The following FRMD4A variants were observed in gnomAD, a reference collection of about 807,000 sequenced individuals.
FRMD4A encodes FERM domain containing 4A, also known as FERM domain-containing protein 4A.
FRMD4A carries 29 observed loss-of-function variants against 129.1 expected under a neutral mutation model. The observed-to-expected ratio is 0.22, with a 90% CI of 0.17 to 0.31. The LOEUF (loss-of-function observed/expected upper bound fraction) is 0.31, where lower values mean the gene tolerates loss of function less well. Among genes scored for constraint, FRMD4A ranks in the 10% least tolerant of loss-of-function variants. FRMD4A has a pLI of 1.00. For missense variants in FRMD4A, 1,272 were observed against 1,375.8 expected (o/e 0.92, Z 1.19); for synonymous variants, 634 against 571.6 (o/e 1.11, Z -1.56).
At chr10:13,909,367 T>C (rs1278818566) in intron 2 of FRMD4A, among the ~76,000 whole-genome samples, 2 of 152,224 alleles carry the variant, frequency 1.3e-5, no homozygotes, top group African/African-American at 4.8e-5. Context: ...ATTTGCTGTC[T>C]GAAGTAATTG....
intron 12 of FRMD4A, among the ~76,000 whole-genome samples, chr10:13,721,760 G>A (rs2089432273): frequency 6.6e-6 from 1 of 152,226 alleles, no homozygotes; most frequent in African/African-American, 2.4e-5. Context: ...CTCTCTCATA[G>A]ACACGGCTAG....
intron 2 of FRMD4A, among the ~76,000 whole-genome samples, chr10:14,258,055 G>A (rs563713359): frequency 3.9e-5 from 6 of 151,916 alleles, no homozygotes; most frequent in Admixed American, 3.3e-4. Flanking sequence ...AACTCAAAAC[G>A]TGTCATATTC....
intron 18 of FRMD4A, among the ~76,000 whole-genome samples, chr10:13,665,508 G>A (rs947376806): frequency 6.6e-6 from 1 of 152,164 alleles, no homozygotes; most frequent in African/African-American, 2.4e-5. Context: ...TGCTTTGTGG[G>A]TGGATTTTGG....
At chr10:13,995,676 A>T (rs1181833357) in intron 2 of FRMD4A, among the ~76,000 whole-genome samples, 1 of 152,248 alleles carries the variant, frequency 6.6e-6, no homozygotes, top group Non-Finnish European at 1.5e-5. Flanking sequence ...GTCAAATGGC[A>T]CGGCATGTGG....
At chr10:13,666,049 GGGGCCC>G in intron 18 of FRMD4A, 42 bp downstream of exon 18, 1 of 1,175,176 alleles carries the variant, frequency 8.5e-7, no homozygotes, top group Non-Finnish European at 1.3e-6. Flanking sequence ...TCTGGTTGCC[GGGGCCC>G]GGGCGTGGGA....
At position 13,698,980 on chromosome 10, in the gene FRMD4A, C is replaced by T. The variant is rs114959449; in HGVS notation, c.975+2360G>A. ...ACTTTTACAAAAGGGACAGCTGAAA[C>T]ATTCCTAATGCTATGGGGCATTTGG... On this transcript the variant is annotated intron_variant, in intron 14 of 24. Transcript: ENST00000357447. 3.3e-3 allele frequency among the ~76,000 whole-genome samples: 468 copies of T among 141,698 alleles called. 2 individuals are homozygous for T. Among genetic ancestry groups the T allele is most frequent in the African/African-American group, 0.013 (457 of 35,848 alleles). The allele number at this position is 141,698 out of a possible 152,430, so 93.0% of individuals were successfully genotyped here.
chr10:14,184,874 G>A (rs11591292), intron 2 of FRMD4A, among the ~76,000 whole-genome samples: 6,660 of 152,180 alleles, frequency 0.044, 191 homozygotes, highest in Non-Finnish European at 0.069. Context: ...TGGCCTGCCC[G>A]GATACAACTG....
rs2094824597 is a variant in FRMD4A at position 13,901,948 on chromosome 10, A to G, written c.46-43036T>C. ...AAATAATCTGTTAATAAATAATAAT[A>G]TGGTTCAGGCTATCAAATTTCTAGG... is the stretch of plus-strand genomic sequence containing the variant. On this transcript the variant is annotated intron_variant, in intron 2 of 24. Transcript: ENST00000357447. Among the ~76,000 whole-genome samples, 4 of 152,224 alleles carry G rather than the reference A, an allele frequency of 2.6e-5. No homozygotes were observed. The South Asian group carries it at 8.3e-4, about 31-fold the overall frequency.
At chr10:14,237,024 C>CAAAAAAG (rs1843846854) in intron 2 of FRMD4A, among the ~76,000 whole-genome samples, 1 of 103,820 alleles carries the variant, frequency 9.6e-6, no homozygotes, top group African/African-American at 3.9e-5. Context: ...AAAAAAAAAT[C>CAAAAAAG]GGTTTTTAAA....
At chr10:13,900,897 T>C (rs1418303963) in intron 2 of FRMD4A, among the ~76,000 whole-genome samples, 1 of 145,688 alleles carries the variant, frequency 6.9e-6, no homozygotes, top group African/African-American at 2.8e-5. Context: ...ATTCCGTCTC[T>C]AAAATAAAAT....
At chr10:14,229,693 C>T (rs1295362966) in intron 2 of FRMD4A, among the ~76,000 whole-genome samples, 2 of 152,160 alleles carry the variant, frequency 1.3e-5, no homozygotes, top group Non-Finnish European at 2.9e-5. Context: ...CCCACCTCAG[C>T]CTCTCAAAAT....
At chr10:13,681,926 A>G (rs1727976151) in intron 15 of FRMD4A, among the ~76,000 whole-genome samples, 1 of 152,164 alleles carries the variant, frequency 6.6e-6, no homozygotes. Context: ...TACTCTTTCT[A>G]TTAAAAAGTG....
At chr10:13,931,665 T>A (rs1455395525) in intron 2 of FRMD4A, among the ~76,000 whole-genome samples, 3 of 151,404 alleles carry the variant, frequency 2.0e-5, no homozygotes, top group Non-Finnish European at 4.4e-5. Context: ...AGGTTGGGTG[T>A]GATGGCTCAT....
At chr10:13,674,080 A>T (rs1052916751) in intron 16 of FRMD4A, among the ~76,000 whole-genome samples, 2 of 152,172 alleles carry the variant, frequency 1.3e-5, no homozygotes, top group African/African-American at 4.8e-5. Flanking sequence ...CATAAAATTT[A>T]AAAATGTCAT....
chr10:14,288,847 A>T (rs1176842449), intron 2 of FRMD4A, among the ~76,000 whole-genome samples: 3 of 152,130 alleles, frequency 2.0e-5, no homozygotes, highest in East Asian at 1.9e-4. Context: ...ACTATTTTAG[A>T]TTCCTCATGT....
At chr10:14,099,582 G>A (rs950945932) in intron 2 of FRMD4A, among the ~76,000 whole-genome samples, 20 of 152,126 alleles carry the variant, frequency 1.3e-4, no homozygotes, top group South Asian at 1.0e-3. Context: ...TTCACAACCC[G>A]TGAATATGAT....
intron 2 of FRMD4A, among the ~76,000 whole-genome samples, chr10:14,122,074 T>C (rs533857483): frequency 1.2e-4 from 18 of 152,220 alleles, no homozygotes; most frequent in Non-Finnish European, 2.6e-4. Context: ...GTTCTAACTT[T>C]AGCTCATCCC....
At position 13,701,314 on chromosome 10, in the gene FRMD4A, G is replaced by A. The variant is rs545307074; in HGVS notation, c.975+26C>T. The A allele has an allele frequency of 6.2e-6, 10 of 1,603,158 alleles. No individual in the cohort carries two copies. The South Asian group carries it at 1.1e-4, about 18-fold the overall frequency. On this transcript the variant is annotated intron_variant, in intron 14 of 24. Transcript: ENST00000357447. ...CTAAGAGAGGCAGACAATGGCCCGG[G>A]CTTGGTGAGAGGTCTGGTCACTCAC...
intron 2 of FRMD4A, among the ~76,000 whole-genome samples, chr10:14,113,927 T>C (rs548157665): frequency 6.6e-6 from 1 of 152,308 alleles, no homozygotes; most frequent in South Asian, 2.1e-4. Flanking sequence ...TCTGCTGCTC[T>C]GCATCCCACC....
Sources: allele counts gnomAD v4.1 joint callset (sites outside exome capture counted in the v4.1 genomes callset), GRCh38; gene constraint gnomAD v4.1.1; transcripts MANE v1.5; gene names NCBI Gene and HGNC (gene_info 2026-07-23, HGNC 2026-07-21).